The following TRAF7 variants were observed in gnomAD, a reference collection of about 807,000 sequenced individuals.
The protein encoded by TRAF7 is TNF receptor associated factor 7.
In TRAF7, 45 loss-of-function variants were observed where a neutral mutation model predicts 89.3. The observed-to-expected ratio is 0.50, with a 90% CI of 0.40 to 0.65. TRAF7 has a LOEUF of 0.65. TRAF7 is among the 30% of genes least tolerant of loss of function. The pLI is 0.00. For synonymous variants in TRAF7, 406 were observed against 369.2 expected (o/e 1.10, Z -1.14); for missense variants, 677 against 918.1 (o/e 0.74, Z 3.39).
chr16:2,158,415 C>G lies in TRAF7; in HGVS notation c.-39+2557C>G. Among the ~76,000 whole-genome samples, 1 of 152,178 alleles carries G rather than the reference C, an allele frequency of 6.6e-6. No homozygotes were observed. The highest frequency in any genetic ancestry group is 2.4e-5 in the African/African-American group (1 of 41,438). ...TCACGTGTAGACCCGGACACCCTCA[C>G]CCGGCTGGAGGAAGCCGGCTGCCTG... is the stretch of plus-strand genomic sequence containing the variant. On this transcript the variant is annotated intron_variant, in intron 1 of 20. Transcript: ENST00000326181. The surrounding 1 kb of genome is among the most constrained non-coding windows in gnomAD (Gnocchi z 4.7).
At chr16:2,169,675 C>T (rs1024560911) in intron 4 of TRAF7, among the ~76,000 whole-genome samples, 2 of 152,198 alleles carry the variant, frequency 1.3e-5, no homozygotes, top group Non-Finnish European at 2.9e-5. Context: ...CCCTGGGGCT[C>T]CCTCTGCTGC....
intron 20 of TRAF7, 32 bp from the exon 21 acceptor site, chr16:2,176,528 G>C (rs1171353586): frequency 6.2e-7 from 1 of 1,613,108 alleles, no homozygotes; most frequent in Admixed American, 1.7e-5. Flanking sequence ...CCGGCCGCAG[G>C]ACATCCTGGT....
In TRAF7 at chr16:2,175,969, C is replaced by T. The variant is rs2093133902; in HGVS notation, c.1746+16C>T. 6.2e-7 allele frequency: 1 copy of T among 1,612,978 alleles called. No homozygotes were observed. The highest frequency in any genetic ancestry group is 2.2e-5 in the East Asian group (1 of 44,878). ...CCTCATCCACGTAAGGCCTGGGCAT[C>T]TGGGTGCAAGGCCAGACTGTGGCCC... On this transcript the variant is annotated intron_variant, in intron 18 of 20. Transcript: ENST00000326181.
At chr16:2,171,648 A>G (rs754973900) in intron 7 of TRAF7, 43 bp downstream of exon 7, 5 of 1,612,714 alleles carry the variant, frequency 3.1e-6, no homozygotes, top group South Asian at 2.2e-5. Flanking sequence ...GACCGTGCCC[A>G]TGGCTGCCGA....
At position 2,158,663 on chromosome 16, in the gene TRAF7, C is replaced by T. The variant is rs531656673; in HGVS notation, c.-39+2805C>T. ...GCCCATGTATGGCCAGTGTTTATGT[C>T]AGCTCCCTGCTGCTGCAGGGCAGAA... On this transcript the variant is annotated intron_variant, in intron 1 of 20. Coordinates refer to ENST00000326181, the MANE Select transcript of TRAF7 (RefSeq NM_032271.3). This position sits in a 1 kb window ranked among gnomAD's most constrained non-coding sequence, Gnocchi z 4.7. Among the ~76,000 whole-genome samples, 1 of 151,980 alleles carries T rather than the reference C, an allele frequency of 6.6e-6. No individual in the cohort carries two copies. The highest frequency in any genetic ancestry group is 1.9e-4 in the East Asian group (1 of 5,148).
rs1469150526 is a variant in TRAF7, at chr16:2,173,369, C to G, written c.982C>G (p.Gln328Glu). Residue 328 changes from glutamine to glutamate, a missense_variant, in exon 10 of 21, where the codon CAG becomes GAG. Gln to Glu is a conservative substitution (Grantham distance 29). Coordinates refer to ENST00000326181, the MANE Select transcript of TRAF7 (RefSeq NM_032271.3). ...GGGAAAGCTCTCGGAGAAGATCGAC[C>G]AGCTAGAGAAGAGCCTGGAGCTCAA... is the stretch of plus-strand genomic sequence containing the variant. ...MLGKLSEKID[Q>E]LEKSLELKFD... 1 of 1,613,422 alleles carries G rather than the reference C, an allele frequency of 6.2e-7. No individual in the cohort carries two copies. The highest frequency in any genetic ancestry group is 8.5e-7 in the Non-Finnish European group (1 of 1,180,002).
intron 4 of TRAF7, among the ~76,000 whole-genome samples, chr16:2,169,126 CA>C (rs1236487672): frequency 6.6e-6 from 1 of 152,068 alleles, no homozygotes; most frequent in Non-Finnish European, 1.5e-5. Context: ...GCTGGGATTA[CA>C]GGCGTGCACC....
chr16:2,173,939 T>C lies in TRAF7; in HGVS notation c.1154T>C (p.Ile385Thr). 2.0e-6 allele frequency: 3 copies of C among 1,494,636 alleles called. No homozygotes were observed. The highest frequency in any genetic ancestry group is 2.7e-6 in the Non-Finnish European group (3 of 1,111,082). The allele number at this position is 1,494,636 out of a possible 1,614,324, so 92.6% of individuals were successfully genotyped here. ...TCTGCAGCCTACGACCCTCAGCAGA[T>C]CTTCAAGTGCAAAGGGACCTTTGTG... is the stretch of plus-strand genomic sequence containing the variant. ...GILGSYDPQQ[I>T]FKCKGTFVGH... The change falls in exon 13 of 21, where the codon ATC (isoleucine) becomes ACC (threonine). Residue 385 changes from isoleucine to threonine, a missense_variant. By Grantham distance (89) the Ile-to-Thr change is moderately conservative (BLOSUM62 -1). This residue lies in a region of TRAF7 where 238 missense variants were observed against 352.6 expected (regional missense o/e 0.67). Transcript: ENST00000326181.
At chr16:2,160,782 G>T (rs909371941) in intron 1 of TRAF7, among the ~76,000 whole-genome samples, 2 of 152,116 alleles carry the variant, frequency 1.3e-5, no homozygotes, top group African/African-American at 4.8e-5. Context: ...CACTCCGGTT[G>T]ACAACTTCCT....
Position 2,170,757 on chromosome 16 carries a change from C to T in TRAF7, c.348+27C>T, listed in dbSNP as rs369935066. ...TAGGTGTGGGGGACTCGGCGCAGAG[C>T]GGCTTCCAGGGCTGTCACCGCAGCC... On this transcript the variant is annotated intron_variant, in intron 5 of 20. Transcript: ENST00000326181. 28 of 1,570,116 alleles carry T rather than the reference C, an allele frequency of 1.8e-5. No individual in the cohort carries two copies. In the African/African-American group the frequency reaches 2.4e-4, roughly 14 times the overall value.
At chr16:2,167,136 T>C (rs1025416122) in intron 3 of TRAF7, among the ~76,000 whole-genome samples, 1 of 152,140 alleles carries the variant, frequency 6.6e-6, no homozygotes, top group African/African-American at 2.4e-5. Context: ...CCTTTTCATC[T>C]ACCCTTAGAA....
rs767675795 is a variant in TRAF7, at chr16:2,165,875, C to G, written c.82-4C>G. The G allele has an allele frequency of 2.7e-5, 43 of 1,614,024 alleles. No individual in the cohort carries two copies. Among genetic ancestry groups the G allele is most frequent in the Non-Finnish European group, 3.5e-5 (41 of 1,179,986 alleles). ...AGGCCAGGTCTCCTCCGTCCTCCCT[C>G]TAGACCAGAATGGAAACGACCTTCG... On this transcript the variant is annotated splice_region_variant and splice_polypyrimidine_tract_variant and intron_variant, in intron 2 of 20. Coordinates refer to ENST00000326181, the MANE Select transcript of TRAF7 (RefSeq NM_032271.3).
chr16:2,162,844 G>A lies in TRAF7; in HGVS notation c.-38-1039G>A, dbSNP rs975638494. Reference sequence around the variant, plus strand: ...AAGCCGGGGCTCGGCTGCGCTATCCGCTGCCAGCAGGAGACAGGGCTGTCC... The same window carrying A: ...AAGCCGGGGCTCGGCTGCGCTATCCACTGCCAGCAGGAGACAGGGCTGTCC... On this transcript the variant is annotated intron_variant, in intron 1 of 20. Transcript: ENST00000326181. This position sits in a 1 kb window ranked among gnomAD's most constrained non-coding sequence, Gnocchi z 5.0. 2.0e-5 allele frequency among the ~76,000 whole-genome samples: 3 copies of A among 152,050 alleles called. No homozygotes were observed. The highest frequency in any genetic ancestry group is 2.9e-5 in the Non-Finnish European group (2 of 67,984).
chr16:2,174,008 G>T lies in TRAF7; in HGVS notation c.1223G>T (p.Gly408Val). Residue 408 changes from glycine (G) to valine (V), a missense_variant, in exon 13 of 21, where the codon GGT (glycine) becomes GTT (valine). Physicochemically the swap from Gly to Val is moderately radical, Grantham distance 109 (BLOSUM62 -3). Around this residue, in one of 6 missense-constraint regions of TRAF7, gnomAD observed 15 missense variants for 61.5 expected, o/e 0.24. Coordinates refer to ENST00000326181, the MANE Select transcript of TRAF7 (RefSeq NM_032271.3). ...TGGTGTCTCTGCGTCTACTCCATGGGTGACCTGCTCTTCAGTGGCTCCTCT... is the reference window on the plus strand; with the variant it reads ...TGGTGTCTCTGCGTCTACTCCATGGTTGACCTGCTCTTCAGTGGCTCCTCT... ...PVWCLCVYSM[G>V]DLLFSGSSDK... 6.2e-7 allele frequency: 1 copy of T among 1,613,784 alleles called. No individual in the cohort carries two copies. The highest frequency in any genetic ancestry group is 8.5e-7 in the Non-Finnish European group (1 of 1,180,014).
At chr16:2,165,143 G>T (rs1657061) in intron 2 of TRAF7, among the ~76,000 whole-genome samples, 520 of 54,078 alleles carry the variant, frequency 9.6e-3, no homozygotes, top group Middle Eastern at 0.02. Flanking sequence ...GTCGCATGCT[G>T]AAGCGTGTGA....
chr16:2,165,987 C>G, intron 3 of TRAF7, 51 bp downstream of exon 3: 1 of 1,606,088 alleles, frequency 6.2e-7, no homozygotes. Flanking sequence ...CGGGGCACCC[C>G]CATGCCCACC....
At chr16:2,171,464 C>T (rs1170901703) in intron 6 of TRAF7, 108 bp downstream of exon 6, 3 of 1,565,722 alleles carry the variant, frequency 1.9e-6, no homozygotes, top group East Asian at 2.4e-5. Flanking sequence ...AAGGCCTGTC[C>T]TGGCTGCACT....
At position 2,170,603 on chromosome 16, in the gene TRAF7, C is replaced by T. The variant is rs2093104927; in HGVS notation, c.232-11C>T. The T allele has an allele frequency of 1.2e-6, 2 of 1,606,490 alleles. No individual in the cohort carries two copies. The highest frequency in any genetic ancestry group is 1.3e-5 in the African/African-American group (1 of 74,550). On this transcript the variant is annotated splice_polypyrimidine_tract_variant and intron_variant, in intron 4 of 20. Coordinates refer to ENST00000326181, the MANE Select transcript of TRAF7 (RefSeq NM_032271.3). ...CGGAGCCCCCCGACAGGCGCCTCTC[C>T]CTCCACACAGCCCCCCATCAGCACT...
intron 9 of TRAF7, 149 bp from the exon 10 acceptor site, chr16:2,173,033 G>A (rs576613891): frequency 2.9e-6 from 2 of 684,094 alleles, no homozygotes; most frequent in South Asian, 3.5e-5. Flanking sequence ...GTAGCTGGAT[G>A]GGGAGGAGGG....
Sources: gnomAD v4.1 joint callset for allele counts (sites outside exome capture counted in the v4.1 genomes callset) on GRCh38, gnomAD v4.1.1 for gene constraint, gnomAD v4.1.1 regional missense constraint, Gnocchi (gnomAD v3.1) non-coding constraint, MANE v1.5 for transcripts, NCBI Gene and HGNC (gene_info 2026-07-23, HGNC 2026-07-21) for gene names.